GSDME: variants seen among roughly 807,000 people sequenced by gnomAD.
GSDME encodes gasdermin E.
In GSDME, 44 loss-of-function variants were observed where a neutral mutation model predicts 47.5. That is an observed-to-expected ratio of 0.93 (90% confidence interval 0.73 to 1.19). The LOEUF is 1.19. Ranked by LOEUF, GSDME falls within the 50% of genes most tolerant of loss-of-function variation. GSDME has a pLI of 0.00. For missense variants in GSDME, 663 were observed against 604.2 expected (o/e 1.10, Z -1.02); for synonymous variants, 258 against 252.8 (o/e 1.02, Z -0.20).
chr7:24,708,069 C>T, intron 7 of GSDME, 58 bp downstream of exon 7: 5 of 1,607,372 alleles, frequency 3.1e-6, no homozygotes. Flanking sequence ...ATCCTGCCTC[C>T]TCCCCTGTTC....
intron 6 of GSDME, among the ~76,000 whole-genome samples, chr7:24,710,000 C>T (rs1789282229): frequency 1.3e-5 from 2 of 152,218 alleles, no homozygotes; most frequent in African/African-American, 4.8e-5. Context: ...GAGCGTCATT[C>T]TCCCCACCCT....
intron 6 of GSDME, 25 bp downstream of exon 6, chr7:24,710,199 A>G (rs1391380766): frequency 7.4e-6 from 12 of 1,612,352 alleles, no homozygotes; most frequent in Non-Finnish European, 1.0e-5. Context: ...TCAACTGCCC[A>G]CTACTCCTGC....
the GSDME span, among the ~76,000 whole-genome samples, chr7:24,786,595 A>C: frequency 5.9e-5 from 9 of 152,328 alleles, no homozygotes; most frequent in African/African-American, 1.9e-4. The surrounding 1 kb of genome is among the most constrained non-coding windows in gnomAD (Gnocchi z 5.5). Context: ...CTTGTCAATG[A>C]CTGACCTGGT....
intron 5 of GSDME, among the ~76,000 whole-genome samples, chr7:24,711,486 A>C (rs1216362713): frequency 1.3e-5 from 2 of 152,098 alleles, no homozygotes; most frequent in Non-Finnish European, 2.9e-5. Flanking sequence ...TGCTGGGATT[A>C]CAGGTGTGAG....
chr7:24,698,934 T>G lies in GSDME; in HGVS notation c.*92A>C. 2 of 914,840 alleles carry G rather than the reference T, an allele frequency of 2.2e-6. No individual in the cohort carries two copies. The highest frequency in any genetic ancestry group is 3.5e-6 in the Non-Finnish European group (2 of 565,844). 56.7% of individuals were successfully genotyped at this position (914,840 alleles called of 1,614,324 possible). ...TTCTTAAACTGTTCTGTAAATTCAT[T>G]TCATTGGTCAACTTTTAACGTGCAT... On this transcript the variant is annotated 3_prime_UTR_variant, in exon 10 of 10. Transcript: ENST00000645220.
At chr7:24,743,645 C>A (rs376970667) in intron 3 of GSDME, among the ~76,000 whole-genome samples, 34 of 152,300 alleles carry the variant, frequency 2.2e-4, no homozygotes, top group African/African-American at 7.9e-4. Flanking sequence ...CCCTTTCAGC[C>A]CCTCCGACTC....
In GSDME at chr7:24,708,634, C is replaced by A. The variant is rs113939719; in HGVS notation, c.863-380G>T. On this transcript the variant is annotated intron_variant, in intron 6 of 9. Coordinates refer to ENST00000645220, the MANE Select transcript of GSDME (RefSeq NM_001127453.2). ...ATTACTAAACAAGTCAGTGCTTTTA[C>A]AATGCTTTAGAGCCATACAAATTCC... Among the ~76,000 whole-genome samples, 275 of 152,352 alleles carry A rather than the reference C, an allele frequency of 1.8e-3. 1 individual carries two copies. Among genetic ancestry groups the A allele is most frequent in the African/African-American group, 6.4e-3 (266 of 41,578 alleles).
At position 24,702,807 on chromosome 7, in the gene GSDME, G is replaced by T; in HGVS notation, c.1210C>A (p.Leu404Met). Residue 404 changes from leucine to methionine, a missense_variant, in exon 9 of 10, where the codon CTG (leucine) becomes ATG (methionine). Leu to Met is a conservative substitution (Grantham distance 15). Transcript: ENST00000645220. ...ATCTGGAGTTTGCAGCAAGTGCCCA[G>T]CAGAGCTGCTGCGCTATCTGGCATT... ...AEMPDSAAAL[L>M]GTCCKLQIIP... The T allele has an allele frequency of 6.2e-7, 1 of 1,613,590 alleles. No individual in the cohort carries two copies. Among genetic ancestry groups the T allele is most frequent in the Non-Finnish European group, 8.5e-7 (1 of 1,179,682 alleles).
At chr7:24,785,709 C>T in the GSDME span, among the ~76,000 whole-genome samples, 5 of 152,216 alleles carry the variant, frequency 3.3e-5, no homozygotes, top group Non-Finnish European at 7.3e-5. Context: ...CCTGCCTTGG[C>T]CTCCCAAAGT....
rs77166908 is a variant in GSDME, at chr7:24,717,128, T to C, written c.697+126A>G. The stretch of plus-strand genomic sequence containing the variant: ...CATGTCTTGGGACAATCTACGCTCT[T>C]CAGACCTCTTTCCCTCTCTTCCCAC... On this transcript the variant is annotated intron_variant, in intron 5 of 9. Transcript: ENST00000645220. The C allele has an allele frequency of 0.051, 57,292 of 1,116,464 alleles. 1,750 individuals carry two copies. The highest frequency in any genetic ancestry group is 0.061 in the Non-Finnish European group (45,430 of 744,268). The allele number at this position is 1,116,464 out of a possible 1,614,324, so 69.2% of individuals were successfully genotyped here.
At chr7:24,770,796 T>C in the GSDME span, among the ~76,000 whole-genome samples, 1 of 148,778 alleles carries the variant, frequency 6.7e-6, no homozygotes, top group African/African-American at 2.5e-5. The surrounding 1 kb of genome is among the most constrained non-coding windows in gnomAD (Gnocchi z 4.6). Context: ...TGGACACCAC[T>C]GAGAAAAGAA....
intron 9 of GSDME, among the ~76,000 whole-genome samples, chr7:24,700,078 T>A (rs1018310299): frequency 2.6e-5 from 4 of 152,112 alleles, no homozygotes; most frequent in Non-Finnish European, 2.9e-5. Flanking sequence ...TCCATCTAGC[T>A]ACCCCCAGCC....
intron 2 of GSDME, among the ~76,000 whole-genome samples, chr7:24,747,190 A>G (rs1369839178): frequency 1.3e-5 from 2 of 152,116 alleles, no homozygotes; most frequent in Non-Finnish European, 2.9e-5. Flanking sequence ...ATTCCTTTTC[A>G]TATTTAGTTA....
chr7:24,772,487 C>T, the GSDME span, among the ~76,000 whole-genome samples: 2 of 152,212 alleles, frequency 1.3e-5, no homozygotes, highest in South Asian at 4.1e-4. The surrounding 1 kb of genome is among the most constrained non-coding windows in gnomAD (Gnocchi z 4.5). Flanking sequence ...GCTGTGTCCT[C>T]AGTGTCTCAC....
intron 9 of GSDME, chr7:24,702,343 A>G (rs1788903309): frequency 2.4e-5 from 8 of 330,928 alleles, no homozygotes; most frequent in South Asian, 1.5e-4. Context: ...CCTGGGACAG[A>G]TCAGTCCTGG....
At chr7:24,755,400 G>C (rs12700545) in intron 1 of GSDME, among the ~76,000 whole-genome samples, 23,221 of 152,078 alleles carry the variant, frequency 0.15, 2,245 homozygotes, top group East Asian at 0.44. Flanking sequence ...TTTTTGACGA[G>C]ATTTACGAGG....
chr7:24,766,212 T>TGCGC, the GSDME span, among the ~76,000 whole-genome samples: 4 of 137,808 alleles, frequency 2.9e-5, no homozygotes, highest in East Asian at 2.3e-4. This position sits in a 1 kb window ranked among gnomAD's most constrained non-coding sequence, Gnocchi z 4.2. Context: ...TGTGTGTGTG[T>TGCGC]GTGCATGTTT....
At chr7:24,747,035 G>A (rs895743168) in intron 2 of GSDME, among the ~76,000 whole-genome samples, 3 of 152,198 alleles carry the variant, frequency 2.0e-5, no homozygotes, top group Non-Finnish European at 4.4e-5. Flanking sequence ...TTCTTCACCT[G>A]CAGTGACCGC....
At chr7:24,699,990 A>G (rs572567962) in intron 9 of GSDME, among the ~76,000 whole-genome samples, 8 of 152,162 alleles carry the variant, frequency 5.3e-5, no homozygotes, top group East Asian at 3.9e-4. Context: ...CCTTCTTCCA[A>G]ATTTCCCTGT....
Sources: allele counts gnomAD v4.1 joint callset (sites outside exome capture counted in the v4.1 genomes callset), GRCh38; gene constraint gnomAD v4.1.1; non-coding constraint Gnocchi (gnomAD v3.1); transcripts MANE v1.5; gene names NCBI Gene and HGNC (gene_info 2026-07-23, HGNC 2026-07-21).